The following NGLY1 variants were observed in gnomAD, a reference collection of about 807,000 sequenced individuals.
NGLY1 encodes the protein N-glycanase 1, also known as peptide-N(4)-(N-acetyl-beta-glucosaminyl)asparagine amidase.
NGLY1 carries 68 observed loss-of-function variants against 84.6 expected under a neutral mutation model. The observed-to-expected ratio is 0.80, with a 90% CI of 0.66 to 0.98. The LOEUF (loss-of-function observed/expected upper bound fraction) is 0.98. Ranked by LOEUF, NGLY1 falls within the 50% of genes least tolerant of loss-of-function variation. The probability of loss-of-function intolerance (pLI) is 0.00; values close to 1 mark genes in which losing one functional copy is unlikely to be tolerated. For missense variants in NGLY1, 779 were observed against 770.2 expected (o/e 1.01, Z -0.14); for synonymous variants, 280 against 275.2 (o/e 1.02, Z -0.17).
chr3:25,737,791 G>A (rs1244802676), intron 5 of NGLY1, among the ~76,000 whole-genome samples: 7 of 152,048 alleles, frequency 4.6e-5, no homozygotes, highest in African/African-American at 1.4e-4. Flanking sequence ...TGATTCGCCC[G>A]CCTCAGCCTC....
intron 5 of NGLY1, among the ~76,000 whole-genome samples, chr3:25,738,476 C>T (rs1057303926): frequency 3.3e-5 from 5 of 152,030 alleles, no homozygotes; most frequent in Non-Finnish European, 4.4e-5. Context: ...AAAAGTGCTG[C>T]AGCTGAGCAG....
intron 9 of NGLY1, chr3:25,730,638 A>T (rs2125462566): frequency 6.6e-6 from 1 of 152,270 alleles, no homozygotes; most frequent in South Asian, 2.1e-4. Flanking sequence ...TTATTTGTTG[A>T]ATTTGGATCT....
intron 10 of NGLY1, among the ~76,000 whole-genome samples, chr3:25,726,871 C>T (rs576198855): frequency 6.6e-6 from 1 of 152,292 alleles, no homozygotes; most frequent in East Asian, 1.9e-4. Flanking sequence ...TTTTTATATG[C>T]TTTTCAATTC....
At chr3:25,723,582 C>CG (rs1705113053) in intron 10 of NGLY1, among the ~76,000 whole-genome samples, 1 of 63,234 alleles carries the variant, frequency 1.6e-5, no homozygotes, top group Admixed American at 1.9e-4. Context: ...ACTCTGATCC[C>CG]ACTATGTATA....
intron 2 of NGLY1, among the ~76,000 whole-genome samples, chr3:25,767,551 TAA>T (rs1707649813): frequency 6.6e-6 from 1 of 152,146 alleles, no homozygotes; most frequent in Non-Finnish European, 1.5e-5. Flanking sequence ...TCCACTGAGA[TAA>T]ACTGTAGGGT....
At position 25,722,172 on chromosome 3, in the gene NGLY1, G is replaced by T. The variant is rs558014016; in HGVS notation, c.1612-1981C>A. Among the ~76,000 whole-genome samples the T allele has an allele frequency of 5.3e-5, 8 of 151,580 alleles. No individual in the cohort carries two copies. In the South Asian group the frequency reaches 1.7e-3, roughly 32 times the overall value. On this transcript the variant is annotated intron_variant, in intron 10 of 11. Coordinates refer to ENST00000280700, the MANE Select transcript of NGLY1 (RefSeq NM_018297.4). ...GGCAGAGGTTGCAGTGAGCGGGATG[G>T]TGCCACTGCACTCCAGCCCGGGTGA...
At chr3:25,724,321 G>C (rs1705148953) in intron 10 of NGLY1, among the ~76,000 whole-genome samples, 2 of 152,160 alleles carry the variant, frequency 1.3e-5, no homozygotes, top group East Asian at 3.9e-4. Flanking sequence ...CATTCCCACA[G>C]ATACCCAGCA....
chr3:25,773,862 T>C (rs886519191), intron 2 of NGLY1, among the ~76,000 whole-genome samples: 1 of 152,222 alleles, frequency 6.6e-6, no homozygotes, highest in African/African-American at 2.4e-5. Flanking sequence ...TCCTGAGAGC[T>C]GGACTGCAGT....
At chr3:25,743,210 A>G (rs554392653) in intron 4 of NGLY1, among the ~76,000 whole-genome samples, 1 of 152,264 alleles carries the variant, frequency 6.6e-6, no homozygotes, top group African/African-American at 2.4e-5. Flanking sequence ...CCGCTGTGAT[A>G]ATGATTTTGG....
chr3:25,777,395 CAAAAAAAA>C (rs11332980), intron 2 of NGLY1, among the ~76,000 whole-genome samples: 3 of 87,474 alleles, frequency 3.4e-5, no homozygotes, highest in Admixed American at 1.4e-4. Flanking sequence ...AACTCCATCT[CAAAAAAAA>C]AAAAAAAAAA....
rs771300867 is a variant in NGLY1 at position 25,783,300 on chromosome 3, C to T, written c.91G>A (p.Ala31Thr). 8.7e-6 allele frequency: 14 copies of T among 1,608,532 alleles called. No homozygotes were observed. In the East Asian group the frequency reaches 2.7e-4, roughly 31 times the overall value. ...GCATAGGTGAGCAGCAGCTTGGAGGCCTCCAAAAAGGTCTCCGGGGTGTTC... is the reference window on the plus strand; with the variant it reads ...GCATAGGTGAGCAGCAGCTTGGAGGTCTCCAAAAAGGTCTCCGGGGTGTTC... ...CQNTPETFLE[A>T]SKLLLTYADN... is the part of the protein sequence containing the mutation. The change falls in exon 1 of 12, where the codon GCC (alanine) becomes ACC (threonine). Residue 31 changes from alanine (A) to threonine (T), a missense_variant. Physicochemically the swap from Ala to Thr is moderately conservative, Grantham distance 58. Coordinates refer to ENST00000280700, the MANE Select transcript of NGLY1 (RefSeq NM_018297.4). The surrounding 1 kb of genome is among the most constrained non-coding windows in gnomAD (Gnocchi z 4.5).
chr3:25,780,410 C>T (rs999643974), intron 1 of NGLY1, among the ~76,000 whole-genome samples: 4 of 152,152 alleles, frequency 2.6e-5, no homozygotes, highest in Non-Finnish European at 4.4e-5. Flanking sequence ...TCCTGACACT[C>T]AATGTATTTC....
chr3:25,732,429 C>A lies in NGLY1; in HGVS notation c.1315G>T (p.Val439Leu), dbSNP rs1202673994. The change falls in exon 9 of 12, where the codon GTG (valine) becomes TTG (leucine). Residue 439 changes from valine (V) to leucine (L), a missense_variant. Coordinates refer to ENST00000280700, the MANE Select transcript of NGLY1 (RefSeq NM_018297.4). ...GGAGATATAAATTCAACAAGCTCCA[C>A]AATTATCCTCTGGAGAAGTTCTTTC... ...RRKELLQRII[V>L]ELVEFISPKT... 6.2e-7 allele frequency: 1 copy of A among 1,613,544 alleles called. No homozygotes were observed. Among genetic ancestry groups the A allele is most frequent in the Non-Finnish European group, 8.5e-7 (1 of 1,179,678 alleles).
At chr3:25,729,006 G>A (rs1575611697) in intron 10 of NGLY1, 127 bp downstream of exon 10, 1 of 563,292 alleles carries the variant, frequency 1.8e-6, no homozygotes, top group South Asian at 7.3e-5. Flanking sequence ...TCTTTTCCAG[G>A]TTATAGGATT....
intron 2 of NGLY1, among the ~76,000 whole-genome samples, chr3:25,776,638 C>G (rs190410371): frequency 6.0e-4 from 91 of 152,274 alleles, no homozygotes; most frequent in African/African-American, 2.1e-3. Context: ...AGTTTCTCCC[C>G]TAAAACCTGC....
intron 2 of NGLY1, among the ~76,000 whole-genome samples, chr3:25,776,770 T>C (rs1307180842): frequency 6.6e-6 from 1 of 152,234 alleles, no homozygotes; most frequent in Non-Finnish European, 1.5e-5. Context: ...AAATCACCAG[T>C]AAGTCCTGTT....
chr3:25,760,635 G>A (rs541853914), intron 3 of NGLY1, among the ~76,000 whole-genome samples: 33 of 152,084 alleles, frequency 2.2e-4, no homozygotes, highest in Non-Finnish European at 4.3e-4. Flanking sequence ...CAAGGTGGGC[G>A]GATCACCTGA....
intron 4 of NGLY1, among the ~76,000 whole-genome samples, chr3:25,740,379 T>A (rs896170159): frequency 6.6e-6 from 1 of 152,164 alleles, no homozygotes; most frequent in Admixed American, 6.5e-5. Context: ...TAGTAAGTTA[T>A]AACATGACAG....
chr3:25,729,139 C>A lies in NGLY1; in HGVS notation c.1605G>T (p.Trp535Cys). Residue 535 changes from tryptophan to cysteine, a missense_variant, in exon 10 of 12, where the codon TGG (tryptophan) becomes TGT (cysteine). Physicochemically the swap from Trp to Cys is radical, Grantham distance 215. Coordinates refer to ENST00000280700, the MANE Select transcript of NGLY1 (RefSeq NM_018297.4). ...GTTTTATGCATTAAGTTACCATGTG[C>A]CAGTCTGTTTCAACTTTTCTGAATA... is the stretch of plus-strand genomic sequence containing the variant. ...ESIFRKVETD[W>C]HMVYLARKEG... 2 of 1,493,308 alleles carry A rather than the reference C, an allele frequency of 1.3e-6. No homozygotes were observed. Among genetic ancestry groups the A allele is most frequent in the Non-Finnish European group, 1.8e-6 (2 of 1,111,666 alleles). The allele number at this position is 1,493,308 out of a possible 1,614,324, so 92.5% of individuals were successfully genotyped here. A position where few individuals can be genotyped will look rare whatever the true frequency, so the allele number is the denominator to read the frequency against.
Sources: gnomAD v4.1 joint callset for allele counts (sites outside exome capture counted in the v4.1 genomes callset) on GRCh38, gnomAD v4.1.1 for gene constraint, Gnocchi (gnomAD v3.1) non-coding constraint, MANE v1.5 for transcripts, NCBI Gene and HGNC (gene_info 2026-07-23, HGNC 2026-07-21) for gene names.